The following MARK4 variants were observed in gnomAD, a reference collection of about 807,000 sequenced individuals.
The protein encoded by MARK4 is MAP/microtubule affinity-regulating kinase 4.
MARK4 carries 19 observed loss-of-function variants against 81.5 expected under a neutral mutation model. The observed-to-expected ratio is 0.23, with a 90% CI of 0.16 to 0.34. The LOEUF (loss-of-function observed/expected upper bound fraction) is 0.34. MARK4 is among the 10% of genes least tolerant of loss of function. The probability of loss-of-function intolerance (pLI) is 1.00; values close to 1 mark genes in which losing one functional copy is unlikely to be tolerated. For missense variants in MARK4, 772 were observed against 1,058.8 expected, an observed-to-expected ratio of 0.73 and a Z score of 3.76; for synonymous variants, 436 against 439.0, an observed-to-expected ratio of 0.99 and a Z score of 0.08.
chr19:45,271,430 G>C lies in MARK4; in HGVS notation c.550-42G>C. 1.9e-6 allele frequency: 3 copies of C among 1,593,820 alleles called. No individual in the cohort carries two copies. In the East Asian group the frequency reaches 6.7e-5, roughly 36 times the overall value. On this transcript the variant is annotated intron_variant, in intron 7 of 16. Coordinates refer to ENST00000262891, the MANE Select transcript of MARK4 (RefSeq NM_001199867.2). This position sits in a 1 kb window ranked among gnomAD's most constrained non-coding sequence, Gnocchi z 4.1. ...CCTCCCACGTCCATGAAAGGCTTTGGCCTTGAGTCCCACTTTCCGCCCTCT... is the reference window on the plus strand; with the variant it reads ...CCTCCCACGTCCATGAAAGGCTTTGCCCTTGAGTCCCACTTTCCGCCCTCT...
chr19:45,299,754 C>A, intron 15 of MARK4, 57 bp from the exon 16 acceptor site: 1 of 1,492,238 alleles, frequency 6.7e-7, no homozygotes. Context: ...CAGTGGGTTG[C>A]GGGAGGTGGG....
At position 45,277,961 on chromosome 19, in the gene MARK4, C is replaced by T. The variant is rs548307055; in HGVS notation, c.825C>T (p.Val275=). 5.0e-6 allele frequency: 8 copies of T among 1,613,684 alleles called. No individual in the cohort carries two copies. In the East Asian group the frequency reaches 1.6e-4, roughly 31 times the overall value. Residue 275 remains valine (V), a synonymous_variant, in exon 9 of 17, where the codon GTC becomes GTT. Coordinates refer to ENST00000262891, the MANE Select transcript of MARK4 (RefSeq NM_001199867.2). ...GAGTACTCAGAGGGAAGTACCGGGT[C>T]CCTTTCTACATGTCAACAGACTGTG... ...RERVLRGKYR[V]PFYMSTDCES... is the part of the protein sequence containing the mutation.
intron 10 of MARK4, 81 bp from the exon 11 acceptor site, chr19:45,280,292 AC>A (rs1970654088): frequency 8.0e-7 from 1 of 1,252,496 alleles, no homozygotes; most frequent in Admixed American, 1.7e-5. Context: ...ACAGAGTGAC[AC>A]CCTGTCTCAA....
chr19:45,262,353 C>CG (rs959060124), intron 2 of MARK4, among the ~76,000 whole-genome samples: 427 of 9,886 alleles, frequency 0.043, 4 homozygotes, highest in African/African-American at 0.14. Flanking sequence ...GAAAAGGGGG[C>CG]GGGGGGGTGG....
chr19:45,260,116 G>A lies in MARK4; in HGVS notation c.252+927G>A, dbSNP rs528814581. 1.2e-4 allele frequency among the ~76,000 whole-genome samples: 18 copies of A among 151,792 alleles called. 1 individual carries two copies. In the South Asian group the frequency reaches 1.5e-3, roughly 12 times the overall value. Reference sequence around the variant, plus strand: ...AAATAAAAAAATTAAAAGGCCGTGCGCGGTGGCTCACTCCTATAGTCCCAG... The same window carrying A: ...AAATAAAAAAATTAAAAGGCCGTGCACGGTGGCTCACTCCTATAGTCCCAG... On this transcript the variant is annotated intron_variant, in intron 2 of 16. Coordinates refer to ENST00000262891, the MANE Select transcript of MARK4 (RefSeq NM_001199867.2).
At chr19:45,255,455 G>A (rs1291360520) in intron 1 of MARK4, among the ~76,000 whole-genome samples, 1 of 151,694 alleles carries the variant, frequency 6.6e-6, no homozygotes, top group Non-Finnish European at 1.5e-5. Context: ...CAGCCACTCG[G>A]GAGGCTGAGG....
chr19:45,254,040 C>T (rs1970276960), intron 1 of MARK4, among the ~76,000 whole-genome samples: 1 of 152,138 alleles, frequency 6.6e-6, no homozygotes. Context: ...GGTGGGGAGT[C>T]ACTTGCCTGC....
intron 2 of MARK4, among the ~76,000 whole-genome samples, chr19:45,261,985 A>G (rs886435309): frequency 1.3e-5 from 2 of 152,122 alleles, no homozygotes; most frequent in Non-Finnish European, 2.9e-5. Flanking sequence ...GTTCAATGAC[A>G]TTCTGATTTC....
At chr19:45,257,348 G>A (rs1970319483) in intron 1 of MARK4, among the ~76,000 whole-genome samples, 1 of 151,038 alleles carries the variant, frequency 6.6e-6, no homozygotes, top group Non-Finnish European at 1.5e-5. Flanking sequence ...ACACTCAGTA[G>A]ACTGCAGTAT....
intron 14 of MARK4, among the ~76,000 whole-genome samples, chr19:45,295,345 C>A (rs1195494118): frequency 6.6e-6 from 1 of 151,532 alleles, no homozygotes; most frequent in Non-Finnish European, 1.5e-5. Context: ...GGCAACAGAG[C>A]GAGACTCCAT....
At chr19:45,252,577 C>T (rs773369500) in intron 1 of MARK4, among the ~76,000 whole-genome samples, 1 of 152,058 alleles carries the variant, frequency 6.6e-6, no homozygotes, top group African/African-American at 2.4e-5. Flanking sequence ...GGGCCTCCCC[C>T]TTCCTTGCTG....
At chr19:45,291,516 CT>C (rs1970819983) in intron 13 of MARK4, among the ~76,000 whole-genome samples, 1 of 152,228 alleles carries the variant, frequency 6.6e-6, no homozygotes, top group African/African-American at 2.4e-5. Context: ...GGCGCGGTGG[CT>C]TACGCCTGTA....
chr19:45,285,882 C>G (rs1395236103), intron 12 of MARK4, among the ~76,000 whole-genome samples: 1 of 152,120 alleles, frequency 6.6e-6, no homozygotes, highest in African/African-American at 2.4e-5. Flanking sequence ...ACAGTAGATT[C>G]CTAAGATGTT....
At chr19:45,279,319 C>T (rs1270270344) in intron 10 of MARK4, among the ~76,000 whole-genome samples, 1 of 152,132 alleles carries the variant, frequency 6.6e-6, no homozygotes, top group Non-Finnish European at 1.5e-5. Flanking sequence ...GAGTTCGAGA[C>T]CAGCCTGGCC....
intron 4 of MARK4, 81 bp from the exon 5 acceptor site, chr19:45,264,603 G>A: frequency 2.2e-6 from 3 of 1,349,394 alleles, no homozygotes; most frequent in Non-Finnish European, 3.2e-6. Context: ...TGTTATGGTT[G>A]GCACATTTGC....
chr19:45,279,789 G>C (rs568278842), intron 10 of MARK4, among the ~76,000 whole-genome samples: 4 of 152,156 alleles, frequency 2.6e-5, no homozygotes, highest in Non-Finnish European at 5.9e-5. Context: ...AATGTTTTCT[G>C]TGGTAGCTTT....
At chr19:45,264,791 C>A (rs756082254) in intron 5 of MARK4, 42 bp downstream of exon 5, 2 of 1,613,938 alleles carry the variant, frequency 1.2e-6, no homozygotes, top group Non-Finnish European at 1.7e-6. Flanking sequence ...GTGCCACCTC[C>A]CCCTGCCGCT....
At chr19:45,277,645 G>A (rs571079701) in intron 8 of MARK4, among the ~76,000 whole-genome samples, 13 of 151,908 alleles carry the variant, frequency 8.6e-5, no homozygotes, top group East Asian at 3.9e-4. Context: ...GCGATCCTCC[G>A]GTCTTGGCCT....
intron 13 of MARK4, among the ~76,000 whole-genome samples, chr19:45,292,031 T>G (rs1970826668): frequency 6.6e-6 from 1 of 152,170 alleles, no homozygotes; most frequent in Non-Finnish European, 1.5e-5. Context: ...GAACCCAACT[T>G]ATATGCAGAA....
Sources: gnomAD v4.1 joint callset for allele counts (sites outside exome capture counted in the v4.1 genomes callset) on GRCh38, gnomAD v4.1.1 for gene constraint, Gnocchi (gnomAD v3.1) non-coding constraint, MANE v1.5 for transcripts, NCBI Gene and HGNC (gene_info 2026-07-23, HGNC 2026-07-21) for gene names.